CCDC25: variants seen among roughly 807,000 people sequenced by gnomAD.
CCDC25 encodes coiled-coil domain-containing protein 25.
CCDC25 carries 16 observed loss-of-function variants against 35.3 expected under a neutral mutation model. That is an observed-to-expected ratio of 0.45 (90% CI 0.31 to 0.69). CCDC25 has a LOEUF of 0.69. CCDC25 is among the 30% of genes least tolerant of loss of function. CCDC25 has a pLI of 0.06. For synonymous variants in CCDC25, 79 were observed against 80.3 expected, an observed-to-expected ratio of 0.98 and a Z score of 0.09; for missense variants, 179 against 250.7, an observed-to-expected ratio of 0.71 and a Z score of 1.93.
intron 5 of CCDC25, among the ~76,000 whole-genome samples, chr8:27,751,751 G>A (rs725360): frequency 0.43 from 64,671 of 151,902 alleles, 14,031 homozygotes; most frequent in East Asian, 0.63. Context: ...CTTAAACCCC[G>A]CCCCTACCCT....
chr8:27,734,738 G>A lies in CCDC25; in HGVS notation c.*1478C>T, dbSNP rs1016746304. 5.9e-5 allele frequency: 9 copies of A among 152,184 alleles called. No homozygotes were observed. Among genetic ancestry groups the A allele is most frequent in the Admixed American group, 5.9e-4 (9 of 15,276 alleles). The allele number at this position is 152,184 out of a possible 1,614,324, so 9.4% of individuals were successfully genotyped here. On this transcript the variant is annotated 3_prime_UTR_variant, in exon 9 of 9. Coordinates refer to ENST00000356537, the MANE Select transcript of CCDC25 (RefSeq NM_018246.3). The stretch of plus-strand genomic sequence containing the variant: ...TATTTTTCAAAAGCGCTATCTACAT[G>A]TGTTGCAGTGTGAGGTACAGAGGAA...
intron 3 of CCDC25, among the ~76,000 whole-genome samples, chr8:27,758,357 A>C (rs957666723): frequency 1.3e-5 from 2 of 152,250 alleles, no homozygotes; most frequent in South Asian, 4.1e-4. Flanking sequence ...TCATCTTGCT[A>C]TTCACTATGC....
intron 3 of CCDC25, among the ~76,000 whole-genome samples, chr8:27,759,779 C>CAAAAAAAAAAAAAAAAAAAAAAAAAAAA (rs77051762): frequency 1.1e-5 from 1 of 91,276 alleles, no homozygotes; most frequent in African/African-American, 4.8e-5. Flanking sequence ...GACTCTGTCT[C>CAAAAAAAAAAAAAAAAAAAAAAAAAAAA]AAAAAAAAAA....
intron 1 of CCDC25, among the ~76,000 whole-genome samples, chr8:27,766,749 A>C (rs1447864840): frequency 6.6e-6 from 1 of 152,184 alleles, no homozygotes; most frequent in African/African-American, 2.4e-5. Context: ...TTTACAACCT[A>C]AACATCCCTT....
chr8:27,769,686 G>A (rs1237725900), intron 1 of CCDC25, among the ~76,000 whole-genome samples: 3 of 152,138 alleles, frequency 2.0e-5, no homozygotes, highest in African/African-American at 7.2e-5. Context: ...CACACACTGT[G>A]GAAGGCTAAA....
At chr8:27,754,640 G>GT (rs1585359606) in intron 4 of CCDC25, 1 of 152,208 alleles carries the variant, frequency 6.6e-6, no homozygotes, top group East Asian at 1.9e-4. Context: ...GGGACCACAG[G>GT]TGGGTATCCC....
Position 27,746,650 on chromosome 8 carries a change from C to T in CCDC25, c.551+1427G>A, listed in dbSNP as rs140546544. 1.4e-3 allele frequency among the ~76,000 whole-genome samples: 213 copies of T among 152,232 alleles called. 3 individuals are homozygous for T. The Middle Eastern group carries it at 0.027, about 19-fold the overall frequency. On this transcript the variant is annotated intron_variant, in intron 7 of 8. Transcript: ENST00000356537. ...TTTACCTCACTGATGGAGTTAATAC[C>T]GTTTCTTTCACTTCAAACACAAAGC... is the stretch of plus-strand genomic sequence containing the variant.
intron 1 of CCDC25, among the ~76,000 whole-genome samples, chr8:27,768,341 G>A (rs1804471842): frequency 6.6e-6 from 1 of 152,156 alleles, no homozygotes; most frequent in Admixed American, 6.5e-5. Flanking sequence ...GAAGCGGGAG[G>A]ATCACTTGAG....
chr8:27,759,704 C>T (rs1483042574), intron 3 of CCDC25, among the ~76,000 whole-genome samples: 5 of 141,734 alleles, frequency 3.5e-5, no homozygotes, highest in South Asian at 2.3e-4. Context: ...AGCTTGAACC[C>T]GGGAGGTAGA....
intron 3 of CCDC25, 30 bp from the exon 4 acceptor site, chr8:27,756,800 G>A: frequency 6.4e-6 from 10 of 1,551,374 alleles, no homozygotes; most frequent in Non-Finnish European, 8.0e-6. Flanking sequence ...CTTTTAGCAA[G>A]AGGTACAAGA....
intron 1 of CCDC25, among the ~76,000 whole-genome samples, chr8:27,770,190 C>T (rs1804542594): frequency 6.6e-6 from 1 of 152,202 alleles, no homozygotes. Context: ...TTTTGTAATT[C>T]CAGCACTTTG....
Position 27,765,208 on chromosome 8 carries a change from A to G in CCDC25, c.72T>C (p.Tyr24=). 1 of 1,511,508 alleles carries G rather than the reference A, an allele frequency of 6.6e-7. No individual in the cohort carries two copies. 93.6% of individuals were successfully genotyped at this position (1,511,508 alleles called of 1,614,324 possible). The change falls in exon 2 of 9, where the codon TAT becomes TAC. Residue 24 remains tyrosine, a synonymous_variant. Coordinates refer to ENST00000356537, the MANE Select transcript of CCDC25 (RefSeq NM_018246.3). ...CAAATGCTTTTGAAAACTTACTTTC[A>G]TATTTATCTTTTCCCATGTAAATAG... ...AYTIYMGKDK[Y]ENEDLIKHGW...
chr8:27,766,226 A>G (rs1399755260), intron 1 of CCDC25, among the ~76,000 whole-genome samples: 2 of 152,236 alleles, frequency 1.3e-5, no homozygotes, highest in East Asian at 1.9e-4. Context: ...CAAAGTACTG[A>G]TAAGTGCAGG....
intron 7 of CCDC25, among the ~76,000 whole-genome samples, chr8:27,743,331 C>T (rs1030271731): frequency 6.6e-6 from 1 of 152,232 alleles, no homozygotes; most frequent in African/African-American, 2.4e-5. Context: ...TCTCAACACA[C>T]AAGCTTCATT....
At position 27,772,552 on chromosome 8, in the gene CCDC25, C is replaced by T. The variant is rs114445285; in HGVS notation, c.-12G>A. On this transcript the variant is annotated 5_prime_UTR_variant, in exon 1 of 9. Transcript: ENST00000356537. Reference sequence around the variant, plus strand: ...AAGTAGAACACCATGATCCCGGGAGCGGTGCGGTGACTCCACCGCGGAGCA... The same window carrying T: ...AAGTAGAACACCATGATCCCGGGAGTGGTGCGGTGACTCCACCGCGGAGCA... 2,523 of 1,549,052 alleles carry T rather than the reference C, an allele frequency of 1.6e-3. 38 individuals carry two copies. The African/African-American group carries it at 0.031, about 19-fold the overall frequency.
chr8:27,766,637 G>T (rs767213483), intron 1 of CCDC25, among the ~76,000 whole-genome samples: 1 of 152,192 alleles, frequency 6.6e-6, no homozygotes, highest in Admixed American at 6.5e-5. Flanking sequence ...TCTCTGCATG[G>T]CCTGGCAATA....
intron 4 of CCDC25, 158 bp downstream of exon 4, chr8:27,756,561 T>C: frequency 1.7e-6 from 1 of 597,356 alleles, no homozygotes. Context: ...AATGTTAGAG[T>C]GATTTTCTGG....
rs151218379 is a variant in CCDC25 at position 27,738,076 on chromosome 8, G to C, written c.598-1831C>G. Among the ~76,000 whole-genome samples, 216 of 152,258 alleles carry C rather than the reference G, an allele frequency of 1.4e-3. 3 individuals carry two copies. In the East Asian group the frequency reaches 0.029, roughly 20 times the overall value. ...GGAGCTAAGCTATGAGGATGCAAAG[G>C]CGTAAGAATGATACGATGGACTTTG... is the stretch of plus-strand genomic sequence containing the variant. On this transcript the variant is annotated intron_variant, in intron 8 of 8. Coordinates refer to ENST00000356537, the MANE Select transcript of CCDC25 (RefSeq NM_018246.3).
Position 27,748,356 on chromosome 8 carries a change from G to A in CCDC25, c.349-77C>T, listed in dbSNP as rs948873386. 11 of 1,415,506 alleles carry A rather than the reference G, an allele frequency of 7.8e-6. No individual in the cohort carries two copies. The African/African-American group carries it at 1.4e-4, about 18-fold the overall frequency. The allele number at this position is 1,415,506 out of a possible 1,614,324, so 87.7% of individuals were successfully genotyped here. On this transcript the variant is annotated intron_variant, in intron 6 of 8. Transcript: ENST00000356537. Reference sequence around the variant, plus strand: ...CAGAAGAGGGATGAGGCTTTCCAGGGGTTTAGCAACCCAGTTTAATTCCCT... The same window carrying A: ...CAGAAGAGGGATGAGGCTTTCCAGGAGTTTAGCAACCCAGTTTAATTCCCT...
Sources: allele counts gnomAD v4.1 joint callset (sites outside exome capture counted in the v4.1 genomes callset), GRCh38; gene constraint gnomAD v4.1.1; transcripts MANE v1.5; gene names NCBI Gene and HGNC (gene_info 2026-07-23, HGNC 2026-07-21).